KCNH8: variants seen among roughly 807,000 people sequenced by gnomAD.
KCNH8 encodes potassium voltage-gated channel subfamily H member 8.
Under a neutral mutation model 103.6 loss-of-function variants are expected in KCNH8, and 70 were observed. That is an observed-to-expected ratio of 0.68 (90% CI 0.56 to 0.82). The LOEUF (loss-of-function observed/expected upper bound fraction) is 0.82. Among genes scored for constraint, KCNH8 ranks in the 40% least tolerant of loss-of-function variants. KCNH8 has a pLI of 0.00. For synonymous variants in KCNH8, 498 were observed against 489.4 expected, an observed-to-expected ratio of 1.02 and a Z score of -0.23; for missense variants, 1,217 against 1,329.9, an observed-to-expected ratio of 0.92 and a Z score of 1.32.
At chr3:19,468,993 T>A (rs2067799888) in intron 11 of KCNH8, among the ~76,000 whole-genome samples, 1 of 152,236 alleles carries the variant, frequency 6.6e-6, no homozygotes, top group Non-Finnish European at 1.5e-5. Context: ...AAAATTGGGC[T>A]GCTTAGAAGC....
intron 5 of KCNH8, among the ~76,000 whole-genome samples, chr3:19,374,395 G>T (rs917558341): frequency 4.6e-5 from 7 of 151,470 alleles, no homozygotes; most frequent in African/African-American, 9.7e-5. Context: ...ATCTTTGTTG[G>T]TTTAAAGTCT....
At position 19,336,726 on chromosome 3, in the gene KCNH8, T is replaced by G. The variant is rs188567892; in HGVS notation, c.443-5861T>G. 8.7e-4 allele frequency among the ~76,000 whole-genome samples: 133 copies of G among 152,140 alleles called. 1 individual carries two copies. The highest frequency in any genetic ancestry group is 3.1e-3 in the African/African-American group (129 of 41,568). ...GCTATATAATTTAGAACATAAAAATTTATAACTTTATTGTAATTTTTTAAA... is the reference window on the plus strand; with the variant it reads ...GCTATATAATTTAGAACATAAAAATGTATAACTTTATTGTAATTTTTTAAA... On this transcript the variant is annotated intron_variant, in intron 3 of 15. Transcript: ENST00000328405.
intron 1 of KCNH8, among the ~76,000 whole-genome samples, chr3:19,228,761 A>G (rs970524049): frequency 6.6e-6 from 1 of 152,228 alleles, no homozygotes; most frequent in Non-Finnish European, 1.5e-5. Context: ...TAGAACATTC[A>G]CTGGAAACTT....
chr3:19,281,494 T>C (rs1282583360), intron 3 of KCNH8, among the ~76,000 whole-genome samples, 165 bp downstream of exon 3: 1 of 152,106 alleles, frequency 6.6e-6, no homozygotes, highest in Non-Finnish European at 1.5e-5. Flanking sequence ...CAGACTCACA[T>C]GCATTTACAT....
intron 11 of KCNH8, among the ~76,000 whole-genome samples, chr3:19,464,081 C>G (rs2067688484): frequency 6.6e-6 from 1 of 152,074 alleles, no homozygotes; most frequent in South Asian, 2.1e-4. Context: ...CAAAGACTGT[C>G]AATACCTAAG....
chr3:19,388,364 A>C (rs932034817), intron 5 of KCNH8, among the ~76,000 whole-genome samples: 2 of 152,078 alleles, frequency 1.3e-5, no homozygotes, highest in Non-Finnish European at 2.9e-5. Context: ...TGCATTGCTA[A>C]TGCGGAAGTA....
At chr3:19,312,023 C>CT (rs1422606840) in intron 3 of KCNH8, among the ~76,000 whole-genome samples, 1 of 151,792 alleles carries the variant, frequency 6.6e-6, no homozygotes, top group Non-Finnish European at 1.5e-5. Flanking sequence ...TTCTCAAACT[C>CT]TTTCTTCCGC....
At chr3:19,485,165 G>A (rs959673713) in intron 11 of KCNH8, among the ~76,000 whole-genome samples, 6 of 152,234 alleles carry the variant, frequency 3.9e-5, no homozygotes, top group East Asian at 1.9e-4. Context: ...TACCTGAGCC[G>A]ATTCGTAAGG....
intron 7 of KCNH8, among the ~76,000 whole-genome samples, chr3:19,414,481 A>G (rs1029473461): frequency 2.6e-5 from 4 of 152,092 alleles, no homozygotes; most frequent in Non-Finnish European, 5.9e-5. Context: ...ATTTTAAAAA[A>G]TGTTTAAAGC....
intron 11 of KCNH8, among the ~76,000 whole-genome samples, chr3:19,495,891 A>C (rs1349021230): frequency 6.6e-6 from 1 of 151,908 alleles, no homozygotes; most frequent in East Asian, 1.9e-4. Flanking sequence ...GTGTTTTATA[A>C]TTCTCATTGT....
At chr3:19,383,807 TTTAC>T (rs2066319956) in intron 5 of KCNH8, among the ~76,000 whole-genome samples, 1 of 152,210 alleles carries the variant, frequency 6.6e-6, no homozygotes, top group South Asian at 2.1e-4. Flanking sequence ...ATTTTCTATT[TTTAC>T]TTAAACTTGG....
At chr3:19,491,700 C>T (rs1192076222) in intron 11 of KCNH8, among the ~76,000 whole-genome samples, 5 of 152,122 alleles carry the variant, frequency 3.3e-5, no homozygotes, top group African/African-American at 9.7e-5. Context: ...TTTGGGTATG[C>T]GCCCAGTAAT....
intron 11 of KCNH8, among the ~76,000 whole-genome samples, chr3:19,459,517 A>G (rs1384456231): frequency 3.9e-5 from 6 of 151,992 alleles, no homozygotes; most frequent in Non-Finnish European, 8.8e-5. Flanking sequence ...TATCAGATGT[A>G]TGATTTGCAA....
chr3:19,362,179 C>CA (rs1305572159), intron 5 of KCNH8, among the ~76,000 whole-genome samples: 1 of 151,896 alleles, frequency 6.6e-6, no homozygotes, highest in African/African-American at 2.4e-5. Flanking sequence ...ACTAACAGGG[C>CA]AAAAAAGCAT....
At chr3:19,435,179 A>G (rs2067180948) in intron 7 of KCNH8, among the ~76,000 whole-genome samples, 1 of 152,128 alleles carries the variant, frequency 6.6e-6, no homozygotes, top group Admixed American at 6.5e-5. Context: ...TTGTTTATCA[A>G]TTATACCCCA....
chr3:19,405,117 C>A (rs982809711), intron 7 of KCNH8, among the ~76,000 whole-genome samples: 1 of 151,842 alleles, frequency 6.6e-6, no homozygotes. Flanking sequence ...GCTTTGAGAA[C>A]ATTGAGACTT....
chr3:19,259,744 T>C (rs2064403311), intron 2 of KCNH8, among the ~76,000 whole-genome samples: 1 of 148,074 alleles, frequency 6.8e-6, no homozygotes, highest in Non-Finnish European at 1.5e-5. Context: ...TACACACATA[T>C]ATATGTACAT....
chr3:19,469,216 G>A (rs2067804463), intron 11 of KCNH8, among the ~76,000 whole-genome samples: 1 of 152,100 alleles, frequency 6.6e-6, no homozygotes, highest in Non-Finnish European at 1.5e-5. Flanking sequence ...ATTTTACCAT[G>A]TCAGCTTTCC....
intron 8 of KCNH8, among the ~76,000 whole-genome samples, chr3:19,443,387 AATATAC>A (rs1445994949): frequency 1.3e-5 from 2 of 150,086 alleles, no homozygotes; most frequent in Admixed American, 1.3e-4. Context: ...TATATATATA[AATATAC>A]ATATATACAC....
Sources: gnomAD v4.1 joint callset for allele counts (sites outside exome capture counted in the v4.1 genomes callset) on GRCh38, gnomAD v4.1.1 for gene constraint, MANE v1.5 for transcripts, NCBI Gene and HGNC (gene_info 2026-07-23, HGNC 2026-07-21) for gene names.